SH3PXD2A: variants seen among roughly 807,000 people sequenced by gnomAD.
SH3PXD2A encodes SH3 and PX domains 2A.
Under a neutral mutation model 115.2 loss-of-function variants are expected in SH3PXD2A, and 32 were observed. That is an observed-to-expected ratio of 0.28 (90% CI 0.21 to 0.37). The LOEUF (loss-of-function observed/expected upper bound fraction) is 0.37. Ranked by LOEUF, SH3PXD2A falls within the 10% of genes least tolerant of loss-of-function variation. SH3PXD2A has a pLI of 1.00. For missense variants in SH3PXD2A, 1,328 were observed against 1,498.7 expected (o/e 0.89, Z 1.88); for synonymous variants, 610 against 629.1 (o/e 0.97, Z 0.45).
chr10:103,764,897 C>T (rs2038737541), intron 3 of SH3PXD2A, among the ~76,000 whole-genome samples: 1 of 152,076 alleles, frequency 6.6e-6, no homozygotes, highest in Non-Finnish European at 1.5e-5. Flanking sequence ...GGGATGATCA[C>T]CTAGTTGGGA....
chr10:103,603,493 G>A lies in SH3PXD2A; in HGVS notation c.1725C>T (p.Pro575=), dbSNP rs752300807. 8.7e-6 allele frequency: 14 copies of A among 1,611,448 alleles called. No homozygotes were observed. Among genetic ancestry groups the A allele is most frequent in the East Asian group, 6.7e-5 (3 of 44,870 alleles). The change falls in exon 15 of 15, where the codon CCC becomes CCT. Residue 575 remains proline (P), a synonymous_variant. Coordinates refer to ENST00000369774, the MANE Select transcript of SH3PXD2A (RefSeq NM_001394015.1). ...TCTCCCCTGAGGCTCTGTCCTCCACGGGCTCCTCGCTCAGCTCAGGCTCTG... is the reference window on the plus strand; with the variant it reads ...TCTCCCCTGAGGCTCTGTCCTCCACAGGCTCCTCGCTCAGCTCAGGCTCTG... ...FDSEPELSEE[P]VEDRASGERR...
chr10:103,815,761 C>T (rs566341632), intron 1 of SH3PXD2A, among the ~76,000 whole-genome samples: 6 of 151,846 alleles, frequency 4.0e-5, no homozygotes, highest in East Asian at 3.9e-4. Context: ...TGGTGGCACA[C>T]GCCTGTAATC....
At chr10:103,768,388 A>G (rs1341094637) in intron 2 of SH3PXD2A, among the ~76,000 whole-genome samples, 1 of 152,204 alleles carries the variant, frequency 6.6e-6, no homozygotes, top group Non-Finnish European at 1.5e-5. Context: ...GCTACGCTGG[A>G]GAGGGAGAAC....
At chr10:103,800,707 A>G (rs1002756871) in intron 2 of SH3PXD2A, among the ~76,000 whole-genome samples, 3 of 152,192 alleles carry the variant, frequency 2.0e-5, no homozygotes, top group Non-Finnish European at 4.4e-5. Flanking sequence ...CTGCAGGGGT[A>G]GCTGTGGGAC....
At chr10:103,618,473 G>C (rs1270306716) in intron 10 of SH3PXD2A, among the ~76,000 whole-genome samples, 1 of 152,180 alleles carries the variant, frequency 6.6e-6, no homozygotes, top group Non-Finnish European at 1.5e-5. Context: ...TGCTCAGAGT[G>C]GAACACTCCC....
chr10:103,685,077 C>T (rs1376788122), intron 6 of SH3PXD2A, among the ~76,000 whole-genome samples: 1 of 152,098 alleles, frequency 6.6e-6, no homozygotes, highest in African/African-American at 2.4e-5. Flanking sequence ...GTGGTTCACA[C>T]CTGTAATCCC....
At chr10:103,745,522 T>C (rs2038491671) in intron 3 of SH3PXD2A, among the ~76,000 whole-genome samples, 1 of 152,044 alleles carries the variant, frequency 6.6e-6, no homozygotes, top group South Asian at 2.1e-4. Context: ...AGTGAATGAG[T>C]CTGTAAAAGC....
chr10:103,748,379 C>G (rs1483929993), intron 3 of SH3PXD2A, among the ~76,000 whole-genome samples: 1 of 152,154 alleles, frequency 6.6e-6, no homozygotes, highest in East Asian at 1.9e-4. Context: ...TTCCCTGAGC[C>G]CCGGGCTGTG....
In SH3PXD2A at chr10:103,769,181, TGC is replaced by T. The variant is rs139822501; in HGVS notation, c.154-2014_154-2013del. Reference sequence around the variant, plus strand: ...GTGTGTGTGTGTGTGTGTGTGTGTGTGCGCGCGCGCGCGCATTTATTTCCATC... The same window carrying T: ...GTGTGTGTGTGTGTGTGTGTGTGTGTGCGCGCGCGCGCATTTATTTCCATC... On this transcript the variant is annotated intron_variant, in intron 2 of 14. Coordinates refer to ENST00000369774, the MANE Select transcript of SH3PXD2A (RefSeq NM_001394015.1). Among the ~76,000 whole-genome samples the T allele has an allele frequency of 3.8e-3, 425 of 112,984 alleles. 2 individuals carry two copies. The highest frequency in any genetic ancestry group is 0.019 in the East Asian group (79 of 4,134). 74.1% of individuals were successfully genotyped at this position (112,984 alleles called of 152,430 possible).
At chr10:103,629,384 T>C (rs1196397559) in intron 8 of SH3PXD2A, among the ~76,000 whole-genome samples, 1 of 152,198 alleles carries the variant, frequency 6.6e-6, no homozygotes, top group Non-Finnish European at 1.5e-5. Flanking sequence ...GGCTCAGTGG[T>C]TATTAGAGCA....
intron 4 of SH3PXD2A, among the ~76,000 whole-genome samples, chr10:103,728,586 C>A (rs1002068972): frequency 2.6e-5 from 4 of 152,174 alleles, no homozygotes; most frequent in Admixed American, 6.5e-5. Context: ...GCTCTGTGAG[C>A]ACATGTGAAA....
At chr10:103,654,124 G>C (rs1006584937) in intron 8 of SH3PXD2A, among the ~76,000 whole-genome samples, 1 of 152,068 alleles carries the variant, frequency 6.6e-6, no homozygotes, top group Non-Finnish European at 1.5e-5. Flanking sequence ...CCATGCAACA[G>C]GGCTACTGAG....
chr10:103,703,341 G>A (rs891657105), intron 5 of SH3PXD2A, among the ~76,000 whole-genome samples: 1 of 152,258 alleles, frequency 6.6e-6, no homozygotes, highest in Admixed American at 6.5e-5. Context: ...AGAGGCAGCT[G>A]CGTTAGCCCC....
chr10:103,736,906 C>T (rs894711814), intron 3 of SH3PXD2A: 1 of 600,188 alleles, frequency 1.7e-6, no homozygotes, highest in Non-Finnish European at 2.8e-6. Flanking sequence ...AAGGTAGCCA[C>T]AGGATGCAGC....
intron 8 of SH3PXD2A, among the ~76,000 whole-genome samples, chr10:103,655,050 G>C (rs1057428247): frequency 6.6e-6 from 1 of 152,176 alleles, no homozygotes; most frequent in Non-Finnish European, 1.5e-5. Flanking sequence ...CTGTGAAGTG[G>C]GTAACGGCTG....
chr10:103,802,756 G>A (rs1288719736), intron 1 of SH3PXD2A, among the ~76,000 whole-genome samples: 4 of 152,208 alleles, frequency 2.6e-5, no homozygotes, highest in African/African-American at 7.2e-5. Context: ...GGCAATGGCT[G>A]TAGGTCCTCA....
intron 1 of SH3PXD2A, among the ~76,000 whole-genome samples, chr10:103,815,454 A>G (rs1043252473): frequency 1.1e-4 from 16 of 148,376 alleles, no homozygotes; most frequent in Non-Finnish European, 2.4e-4. Context: ...AGTGTATAAT[A>G]TATATACTAT....
intron 1 of SH3PXD2A, among the ~76,000 whole-genome samples, chr10:103,812,822 C>T (rs777087199): frequency 3.9e-5 from 6 of 152,228 alleles, no homozygotes; most frequent in Non-Finnish European, 5.9e-5. Context: ...TTAGAAATTT[C>T]GTTGCTTGAG....
intron 2 of SH3PXD2A, among the ~76,000 whole-genome samples, chr10:103,785,821 T>C (rs1189339803): frequency 6.6e-6 from 1 of 151,244 alleles, no homozygotes; most frequent in East Asian, 2.0e-4. Context: ...AGACTTCTGC[T>C]TGGGATGCGG....
Sources: allele counts gnomAD v4.1 joint callset (sites outside exome capture counted in the v4.1 genomes callset), GRCh38; gene constraint gnomAD v4.1.1; transcripts MANE v1.5; gene names NCBI Gene and HGNC (gene_info 2026-07-23, HGNC 2026-07-21).